The following CTNND2 variants were observed in gnomAD, a reference collection of about 807,000 sequenced individuals.
CTNND2 encodes catenin delta 2, also known as catenin delta-2.
CTNND2 carries 22 observed loss-of-function variants against 144.4 expected under a neutral mutation model. That is an observed-to-expected ratio of 0.15 (90% CI 0.11 to 0.22). The LOEUF (loss-of-function observed/expected upper bound fraction) is 0.22, where lower values mean the gene tolerates loss of function less well. Among genes scored for constraint, CTNND2 ranks in the 10% least tolerant of loss-of-function variants. The pLI is 1.00. For missense variants in CTNND2, 1,353 were observed against 1,618.8 expected (o/e 0.84, Z 2.82); for synonymous variants, 751 against 695.6 (o/e 1.08, Z -1.25).
At position 11,130,180 on chromosome 5, in the gene CTNND2, GACCAACT is replaced by G. The variant is rs369609232; in HGVS notation, c.2160-12620_2160-12614del. Among the ~76,000 whole-genome samples, 171 of 152,238 alleles carry G rather than the reference GACCAACT, an allele frequency of 1.1e-3. 1 individual carries two copies. The highest frequency in any genetic ancestry group is 3.9e-3 in the African/African-American group (162 of 41,538). On this transcript the variant is annotated intron_variant, in intron 12 of 21. Coordinates refer to ENST00000304623, the MANE Select transcript of CTNND2 (RefSeq NM_001332.4). ...GAGACAGAATGCTTCAGTGGCTAAAGACCAACTACCTATTGGGGCTGGCCGCGAACAC... is the reference window on the plus strand; with the variant it reads ...GAGACAGAATGCTTCAGTGGCTAAAGACCTATTGGGGCTGGCCGCGAACAC...
chr5:11,418,776 T>C (rs1762106271), intron 3 of CTNND2, among the ~76,000 whole-genome samples: 1 of 152,142 alleles, frequency 6.6e-6, no homozygotes, highest in South Asian at 2.1e-4. Context: ...CACAAACTTT[T>C]TGAAATCCCC....
intron 1 of CTNND2, among the ~76,000 whole-genome samples, chr5:11,757,875 TAC>T (rs1789038901): frequency 6.6e-6 from 1 of 151,950 alleles, no homozygotes; most frequent in South Asian, 2.1e-4. Context: ...AAAAAGTCAT[TAC>T]TTTTAACTTC....
intron 1 of CTNND2, among the ~76,000 whole-genome samples, chr5:11,778,310 G>A (rs566638388): frequency 8.5e-4 from 130 of 152,116 alleles, no homozygotes; most frequent in Admixed American, 1.2e-3. Context: ...AGAGCTGGGC[G>A]GGGCAGGGGG....
chr5:11,301,990 G>A (rs963977488), intron 9 of CTNND2, among the ~76,000 whole-genome samples: 17 of 152,224 alleles, frequency 1.1e-4, no homozygotes, highest in South Asian at 8.3e-4. Context: ...GGAGGGTGGG[G>A]GTCCTGAGAA....
chr5:11,117,422 A>G (rs1200900309), intron 13 of CTNND2, 28 bp downstream of exon 13: 2 of 1,559,534 alleles, frequency 1.3e-6, no homozygotes, highest in Admixed American at 1.7e-5. Context: ...ATTCTCAAAC[A>G]TGTTTAATCT....
chr5:11,155,158 C>T (rs995374598), intron 12 of CTNND2, among the ~76,000 whole-genome samples: 5 of 152,186 alleles, frequency 3.3e-5, no homozygotes, highest in East Asian at 3.9e-4. Flanking sequence ...CCCTGGTTAG[C>T]GTTCAGACCA....
chr5:11,372,973 T>A (rs1174523471), intron 7 of CTNND2, among the ~76,000 whole-genome samples: 2 of 152,244 alleles, frequency 1.3e-5, no homozygotes, highest in Non-Finnish European at 2.9e-5. Context: ...CCAGCACTCC[T>A]GCTTTGTTAG....
At chr5:11,310,737 C>T (rs1370375043) in intron 9 of CTNND2, among the ~76,000 whole-genome samples, 1 of 151,792 alleles carries the variant, frequency 6.6e-6, no homozygotes, top group Non-Finnish European at 1.5e-5. Flanking sequence ...TTCACCCTCA[C>T]ACACTCCCCA....
At chr5:11,875,201 A>G (rs1040885763) in intron 1 of CTNND2, among the ~76,000 whole-genome samples, 2 of 152,128 alleles carry the variant, frequency 1.3e-5, no homozygotes, top group Admixed American at 6.5e-5. Flanking sequence ...AGGGTTTCAA[A>G]CTCTAAGTAC....
chr5:11,364,725 G>A lies in CTNND2; in HGVS notation c.1343C>T (p.Ala448Val). 6.2e-7 allele frequency: 1 copy of A among 1,613,610 alleles called. No individual in the cohort carries two copies. Among genetic ancestry groups the A allele is most frequent in the Non-Finnish European group, 8.5e-7 (1 of 1,179,876 alleles). ...SQSQGDPLPPAHTGTYRTSTA... is the reference protein window; with the variant it reads ...SQSQGDPLPPVHTGTYRTSTA... ...GCTCGTGCGGTAGGTGCCGGTGTGT[G>A]CTGGCGGCAGAGGGTCCCCCTGGCT... The change falls in exon 8 of 22, where the codon GCA becomes GTA. Residue 448 changes from alanine to valine, a missense_variant. Around this residue, in one of 4 missense-constraint regions of CTNND2, gnomAD observed 708 missense variants for 706.4 expected, o/e 1.00. Transcript: ENST00000304623.
At chr5:11,792,934 G>A (rs1791213199) in intron 1 of CTNND2, among the ~76,000 whole-genome samples, 1 of 152,100 alleles carries the variant, frequency 6.6e-6, no homozygotes, top group Non-Finnish European at 1.5e-5. Context: ...TTTATTTAGG[G>A]GGAAAAAACG....
intron 19 of CTNND2, among the ~76,000 whole-genome samples, chr5:10,991,076 G>A (rs1030638091): frequency 1.3e-5 from 2 of 152,236 alleles, no homozygotes; most frequent in Non-Finnish European, 2.9e-5. Context: ...ATGGGTGGAC[G>A]TTTCCACAGG....
chr5:11,294,157 T>C (rs1006948452), intron 9 of CTNND2, among the ~76,000 whole-genome samples: 13 of 142,922 alleles, frequency 9.1e-5, no homozygotes, highest in Admixed American at 7.3e-4. Flanking sequence ...CTCGTACATA[T>C]AGTTTCACTG....
intron 9 of CTNND2, among the ~76,000 whole-genome samples, chr5:11,331,983 A>G (rs1453899244): frequency 6.6e-6 from 1 of 152,192 alleles, no homozygotes; most frequent in Non-Finnish European, 1.5e-5. Flanking sequence ...CCCTGATTTA[A>G]GAATAATGTA....
intron 7 of CTNND2, among the ~76,000 whole-genome samples, chr5:11,380,429 T>A (rs73042275): frequency 0.022 from 3,326 of 152,312 alleles, 126 homozygotes; most frequent in African/African-American, 0.075. Context: ...TGCAAAAGTA[T>A]ATGAATAGAT....
chr5:11,079,409 C>T (rs1749306661), intron 16 of CTNND2, among the ~76,000 whole-genome samples: 1 of 152,178 alleles, frequency 6.6e-6, no homozygotes, highest in Non-Finnish European at 1.5e-5. Flanking sequence ...TCCCTAACAC[C>T]AGATGCCTAC....
At chr5:11,745,300 C>A (rs1380309315) in intron 1 of CTNND2, among the ~76,000 whole-genome samples, 1 of 152,206 alleles carries the variant, frequency 6.6e-6, no homozygotes, top group African/African-American at 2.4e-5. Flanking sequence ...TCTTTAGATG[C>A]GCCCTTCGTG....
chr5:11,129,427 C>T (rs975055025), intron 12 of CTNND2, among the ~76,000 whole-genome samples: 5 of 144,208 alleles, frequency 3.5e-5, no homozygotes, highest in Non-Finnish European at 7.4e-5. Context: ...GGCCACTGTT[C>T]GATGGGACTC....
chr5:11,107,666 AG>A (rs2149679971), intron 14 of CTNND2, among the ~76,000 whole-genome samples: 1 of 152,358 alleles, frequency 6.6e-6, no homozygotes, highest in South Asian at 2.1e-4. Flanking sequence ...AGATGATAAC[AG>A]TAATTTAGAT....
Sources: gnomAD v4.1 joint callset for allele counts (sites outside exome capture counted in the v4.1 genomes callset) on GRCh38, gnomAD v4.1.1 for gene constraint, gnomAD v4.1.1 regional missense constraint, MANE v1.5 for transcripts, NCBI Gene and HGNC (gene_info 2026-07-23, HGNC 2026-07-21) for gene names.